Variants in ROBO2 observed in about 807,000 individuals in gnomAD.
The protein encoded by ROBO2 is roundabout homolog 2.
Under a neutral mutation model 160.8 loss-of-function variants are expected in ROBO2, and 53 were observed. The ratio of observed to expected loss-of-function variants is 0.33; its 90% CI spans 0.26 to 0.41. The LOEUF (loss-of-function observed/expected upper bound fraction) is 0.41. Ranked by LOEUF, ROBO2 falls within the 10% of genes least tolerant of loss-of-function variation. The pLI is 1.00. For synonymous variants in ROBO2, 664 were observed against 611.7 expected (o/e 1.09, Z -1.26); for missense variants, 1,577 against 1,722.4 (o/e 0.92, Z 1.49).
At chr3:76,383,468 G>A (rs2076732315) in intron 2 of ROBO2, among the ~76,000 whole-genome samples, 1 of 152,176 alleles carries the variant, frequency 6.6e-6, no homozygotes, top group Non-Finnish European at 1.5e-5. Context: ...TGAGTTTGCA[G>A]TCATGTTATT....
At chr3:76,321,591 G>C (rs1404773242) in intron 2 of ROBO2, among the ~76,000 whole-genome samples, 1 of 152,156 alleles carries the variant, frequency 6.6e-6, no homozygotes, top group South Asian at 2.1e-4. Flanking sequence ...TTACATGGTA[G>C]TCCACTTCCA....
chr3:76,961,706 C>A (rs889846074), intron 2 of ROBO2, among the ~76,000 whole-genome samples: 15 of 152,264 alleles, frequency 9.9e-5, no homozygotes, highest in African/African-American at 3.6e-4. Context: ...ACTATTCCCT[C>A]CTGCTAAGCT....
At chr3:77,625,618 C>T (rs1234031643) in intron 23 of ROBO2, among the ~76,000 whole-genome samples, 2 of 152,080 alleles carry the variant, frequency 1.3e-5, no homozygotes, top group Non-Finnish European at 2.9e-5. Flanking sequence ...CCTCGTGATC[C>T]ATCTGCCTCG....
intron 2 of ROBO2, among the ~76,000 whole-genome samples, chr3:77,466,987 C>A (rs1200857746): frequency 4.6e-5 from 7 of 152,240 alleles, no homozygotes; most frequent in Admixed American, 3.9e-4. Context: ...ACAAGAGATG[C>A]TGCTGAAACT....
At chr3:77,193,115 G>T (rs915387044) in intron 2 of ROBO2, among the ~76,000 whole-genome samples, 1 of 151,984 alleles carries the variant, frequency 6.6e-6, no homozygotes, top group Non-Finnish European at 1.5e-5. Flanking sequence ...GAAAATCAAA[G>T]CCAGAGGGAG....
At chr3:76,485,046 AC>A (rs1310203829) in intron 2 of ROBO2, among the ~76,000 whole-genome samples, 1 of 152,116 alleles carries the variant, frequency 6.6e-6, no homozygotes, top group African/African-American at 2.4e-5. Context: ...GGTACCAAAG[AC>A]CAGTTTTAAG....
At chr3:76,243,002 C>T (rs1705389393) in intron 2 of ROBO2, among the ~76,000 whole-genome samples, 3 of 152,166 alleles carry the variant, frequency 2.0e-5, no homozygotes. Flanking sequence ...ATGGACGATT[C>T]CCCCGCTTCT....
rs202170180 is a variant in ROBO2, at chr3:77,628,451, G to GC, written c.3760+6019_3760+6020insC. ...TCTTCTCTCTCTCTCTTTTTGTGGG[G>GC]GGGGGGTAATTGTTTACCTAAATCT... On this transcript the variant is annotated intron_variant, in intron 23 of 25. Coordinates refer to ENST00000461745, the Ensembl canonical transcript of ROBO2. Among the ~76,000 whole-genome samples the GC allele has an allele frequency of 6.3e-3, 939 of 147,914 alleles. 9 individuals carry two copies. The highest frequency in any genetic ancestry group is 9.3e-3 in the Non-Finnish European group (624 of 67,026).
intron 2 of ROBO2, among the ~76,000 whole-genome samples, chr3:76,618,371 G>T (rs1260559372): frequency 6.6e-6 from 1 of 151,048 alleles, no homozygotes; most frequent in African/African-American, 2.4e-5. Context: ...TCATTAATTG[G>T]AGTATTATGA....
intron 2 of ROBO2, among the ~76,000 whole-genome samples, chr3:77,424,498 G>A (rs188158380): frequency 2.6e-5 from 4 of 152,266 alleles, no homozygotes; most frequent in Non-Finnish European, 5.9e-5. Flanking sequence ...AGATTGAAAA[G>A]CGAGTGATAC....
chr3:76,269,105 G>A (rs72630388), intron 2 of ROBO2, among the ~76,000 whole-genome samples: 28,592 of 151,926 alleles, frequency 0.19, 4,385 homozygotes, highest in East Asian at 0.43. Flanking sequence ...TGATAGCACA[G>A]CAGGATGATT....
rs9822173 is a variant in ROBO2 at position 77,290,879 on chromosome 3, C to T, written c.389-186535C>T. On this transcript the variant is annotated intron_variant, in intron 2 of 25. Coordinates refer to ENST00000461745, the Ensembl canonical transcript of ROBO2. ...CACTAAAGACATAAAGTAAAATTGACGGTTAAACGGGTAAGCTGAGGCTAG... is the reference window on the plus strand; with the variant it reads ...CACTAAAGACATAAAGTAAAATTGATGGTTAAACGGGTAAGCTGAGGCTAG... Among the ~76,000 whole-genome samples the T allele has an allele frequency of 2.7e-3, 152 of 56,914 alleles. 1 individual carries two copies. Among genetic ancestry groups the T allele is most frequent in the Non-Finnish European group, 4.0e-3 (92 of 23,180 alleles). 37.3% of individuals were successfully genotyped at this position (56,914 alleles called of 152,430 possible). A position where few individuals can be genotyped will look rare whatever the true frequency, so the allele number is the denominator to read the frequency against.
At chr3:76,540,562 A>C (rs2082759653) in intron 2 of ROBO2, among the ~76,000 whole-genome samples, 1 of 152,210 alleles carries the variant, frequency 6.6e-6, no homozygotes, top group Admixed American at 6.5e-5. Flanking sequence ...CCAGAGACTG[A>C]GCAAGTTTTA....
At chr3:76,871,968 T>A (rs2072145801) in intron 2 of ROBO2, among the ~76,000 whole-genome samples, 1 of 152,236 alleles carries the variant, frequency 6.6e-6, no homozygotes, top group African/African-American at 2.4e-5. Flanking sequence ...TTTAAAATTT[T>A]CTTTCATTCT....
At chr3:77,165,613 T>C (rs2079005247) in intron 2 of ROBO2, among the ~76,000 whole-genome samples, 1 of 152,182 alleles carries the variant, frequency 6.6e-6, no homozygotes, top group Non-Finnish European at 1.5e-5. Flanking sequence ...ATTCATTAGT[T>C]GTCCACATTC....
intron 2 of ROBO2, among the ~76,000 whole-genome samples, chr3:76,073,392 C>A (rs1411383953): frequency 3.4e-5 from 5 of 146,558 alleles, no homozygotes; most frequent in Admixed American, 7.0e-5. Context: ...TCCTGGGTTC[C>A]CGCCATTCTC....
intron 2 of ROBO2, among the ~76,000 whole-genome samples, chr3:77,211,781 C>A (rs1400409863): frequency 3.9e-5 from 6 of 152,158 alleles, no homozygotes; most frequent in Admixed American, 3.9e-4. Flanking sequence ...CCAGTTTCAG[C>A]TTTCTACATA....
intron 2 of ROBO2, among the ~76,000 whole-genome samples, chr3:77,424,675 C>A (rs570581979): frequency 6.6e-6 from 1 of 151,850 alleles, no homozygotes; most frequent in South Asian, 2.1e-4. Context: ...TGGTTTTATC[C>A]CCATGAAATT....
intron 2 of ROBO2, among the ~76,000 whole-genome samples, chr3:76,779,694 T>C (rs546728285): frequency 6.6e-6 from 1 of 151,186 alleles, no homozygotes; most frequent in East Asian, 2.0e-4. Flanking sequence ...TTCTCTTTTT[T>C]AAGGCTAGTC....
Sources: allele counts gnomAD v4.1 joint callset (sites outside exome capture counted in the v4.1 genomes callset), GRCh38; gene constraint gnomAD v4.1.1; transcripts MANE v1.5; gene names NCBI Gene and HGNC (gene_info 2026-07-23, HGNC 2026-07-21).